The following TIAM1 variants were observed in gnomAD, a reference collection of about 807,000 sequenced individuals.
The protein encoded by TIAM1 is TIAM Rac1 associated GEF 1, also known as rho guanine nucleotide exchange factor TIAM1.
Under a neutral mutation model 163.5 loss-of-function variants are expected in TIAM1, and 65 were observed. The observed-to-expected ratio is 0.40, with a 90% CI of 0.33 to 0.49. The LOEUF is 0.49. TIAM1 is among the 20% of genes least tolerant of loss of function. The pLI is 0.77. For missense variants in TIAM1, 1,789 were observed against 2,044.7 expected (o/e 0.87, Z 2.41); for synonymous variants, 833 against 810.1 (o/e 1.03, Z -0.48).
intron 2 of TIAM1, among the ~76,000 whole-genome samples, chr21:31,309,771 C>G (rs531663427): frequency 6.6e-6 from 1 of 152,282 alleles, no homozygotes; most frequent in South Asian, 2.1e-4. Flanking sequence ...ATGAAAAACC[C>G]AAATCTGATT....
intron 2 of TIAM1, among the ~76,000 whole-genome samples, chr21:31,436,665 A>T (rs952125536): frequency 7.2e-5 from 11 of 152,058 alleles, no homozygotes; most frequent in African/African-American, 1.9e-4. Context: ...TAATTAATTT[A>T]AAAAAATATA....
chr21:31,277,943 A>G (rs2073375390), intron 2 of TIAM1, among the ~76,000 whole-genome samples: 1 of 152,222 alleles, frequency 6.6e-6, no homozygotes, highest in East Asian at 1.9e-4. Flanking sequence ...CAGCCTATTT[A>G]CATTTAGGGT....
chr21:31,293,078 C>T (rs1310598539), intron 2 of TIAM1, among the ~76,000 whole-genome samples: 1 of 152,154 alleles, frequency 6.6e-6, no homozygotes, highest in Non-Finnish European at 1.5e-5. Flanking sequence ...CCCTTCTGGG[C>T]CTCCCAAAGT....
At chr21:31,161,139 G>T (rs2083902706) in intron 16 of TIAM1, among the ~76,000 whole-genome samples, 1 of 151,818 alleles carries the variant, frequency 6.6e-6, no homozygotes, top group African/African-American at 2.4e-5. Context: ...AGACATTTCT[G>T]AGACAAAAAC....
At chr21:31,254,709 A>G (rs1569112693) in intron 4 of TIAM1, among the ~76,000 whole-genome samples, 2 of 152,172 alleles carry the variant, frequency 1.3e-5, no homozygotes, top group African/African-American at 4.8e-5. Context: ...GTCTCAAAAC[A>G]AAACAAACAA....
intron 2 of TIAM1, among the ~76,000 whole-genome samples, chr21:31,401,082 A>G (rs1300000319): frequency 1.3e-5 from 2 of 151,858 alleles, no homozygotes; most frequent in African/African-American, 4.8e-5. Flanking sequence ...ATAAATGAAT[A>G]AATAAATAAA....
At chr21:31,128,327 A>G (rs2082286226) in intron 25 of TIAM1, among the ~76,000 whole-genome samples, 1 of 152,222 alleles carries the variant, frequency 6.6e-6, no homozygotes, top group Non-Finnish European at 1.5e-5. Flanking sequence ...TAACTCAACT[A>G]AAATAAGCTT....
intron 1 of TIAM1, among the ~76,000 whole-genome samples, chr21:31,530,272 C>T (rs556376284): frequency 6.6e-6 from 1 of 152,332 alleles, no homozygotes; most frequent in South Asian, 2.1e-4. Flanking sequence ...GCAAAGTTAT[C>T]TCTACACAAC....
intron 2 of TIAM1, among the ~76,000 whole-genome samples, chr21:31,280,032 G>GCACACACA (rs10635457): frequency 4.0e-5 from 6 of 151,094 alleles, no homozygotes; most frequent in African/African-American, 1.5e-4. Flanking sequence ...ACGCGTGCGC[G>GCACACACA]CACACACACA....
chr21:31,507,110 C>A (rs1225409410), intron 1 of TIAM1, among the ~76,000 whole-genome samples: 2 of 149,486 alleles, frequency 1.3e-5, no homozygotes, highest in Non-Finnish European at 3.0e-5. Context: ...GGGTAGAGAC[C>A]CAGAAGTGAA....
intron 1 of TIAM1, among the ~76,000 whole-genome samples, chr21:31,486,404 C>A (rs146183843): frequency 6.6e-6 from 1 of 152,272 alleles, no homozygotes; most frequent in Admixed American, 6.5e-5. Context: ...CAGAAATGAG[C>A]GTCCCGCTGT....
chr21:31,208,411 T>A (rs1444165845), intron 11 of TIAM1, among the ~76,000 whole-genome samples: 1 of 152,208 alleles, frequency 6.6e-6, no homozygotes, highest in African/African-American at 2.4e-5. Context: ...TGACAATAAC[T>A]CTTCAGCTCT....
chr21:31,444,272 G>A (rs115827750), intron 2 of TIAM1, among the ~76,000 whole-genome samples: 2,006 of 152,172 alleles, frequency 0.013, 44 homozygotes, highest in African/African-American at 0.046. Context: ...CGTTCACGGC[G>A]TGGCGCTGAG....
At chr21:31,512,311 G>T (rs1431852873) in intron 1 of TIAM1, among the ~76,000 whole-genome samples, 1 of 151,898 alleles carries the variant, frequency 6.6e-6, no homozygotes, top group African/African-American at 2.4e-5. Flanking sequence ...TGTTGCCCAG[G>T]CTGGTCTCAA....
At chr21:31,244,030 T>C (rs1361675013) in intron 6 of TIAM1, among the ~76,000 whole-genome samples, 2 of 152,206 alleles carry the variant, frequency 1.3e-5, no homozygotes, top group African/African-American at 2.4e-5. Context: ...CTGAAACTTC[T>C]ATTTCTTGTC....
intron 6 of TIAM1, among the ~76,000 whole-genome samples, chr21:31,243,912 T>A (rs867190147): frequency 6.6e-6 from 1 of 152,170 alleles, no homozygotes; most frequent in South Asian, 2.1e-4. Context: ...ATTAAGTCAT[T>A]CCCAGATAAA....
At chr21:31,327,815 G>A (rs1277328458) in intron 2 of TIAM1, among the ~76,000 whole-genome samples, 1 of 152,044 alleles carries the variant, frequency 6.6e-6, no homozygotes, top group African/African-American at 2.4e-5. Flanking sequence ...GGCTTACTGA[G>A]AACCATGGTC....
chr21:31,142,775 G>T (rs936397383), intron 20 of TIAM1, among the ~76,000 whole-genome samples: 8 of 152,272 alleles, frequency 5.3e-5, no homozygotes, highest in South Asian at 4.1e-4. Context: ...TAACTCGGTG[G>T]CACCACCTGT....
At chr21:31,493,403 T>C (rs2046539423) in intron 1 of TIAM1, among the ~76,000 whole-genome samples, 1 of 152,130 alleles carries the variant, frequency 6.6e-6, no homozygotes, top group African/African-American at 2.4e-5. Flanking sequence ...ATTGAGAATT[T>C]CAGGAAAGGT....
Sources: allele counts gnomAD v4.1 joint callset (sites outside exome capture counted in the v4.1 genomes callset), GRCh38; gene constraint gnomAD v4.1.1; transcripts MANE v1.5; gene names NCBI Gene and HGNC (gene_info 2026-07-23, HGNC 2026-07-21).